MYO6: variants seen among roughly 807,000 people sequenced by gnomAD.
MYO6 encodes the protein myosin VI, also known as unconventional myosin-VI.
Under a neutral mutation model 178.7 loss-of-function variants are expected in MYO6, and 74 were observed. That is an observed-to-expected ratio of 0.41 (90% confidence interval 0.34 to 0.50). MYO6 has a LOEUF of 0.50. MYO6 is among the 20% of genes least tolerant of loss of function. The pLI is 0.09. For synonymous variants in MYO6, 477 were observed against 504.6 expected (o/e 0.95, Z 0.73); for missense variants, 1,330 against 1,547.4 (o/e 0.86, Z 2.36).
At position 75,756,919 on chromosome 6, in the gene MYO6, A is replaced by ATAGTGTGTATATATGTGTATATATG. The variant is rs1777419617; in HGVS notation, c.-48+7498_-48+7499insGTGTGTATATATGTGTATATATGTA. ...TATATATATATATATATACACATAT[A>ATAGTGTGTATATATGTGTATATATG]TATACACACCATATATAGTGTGTAT... On this transcript the variant is annotated intron_variant, in intron 1 of 34. Coordinates refer to ENST00000369977, the MANE Select transcript of MYO6 (RefSeq NM_004999.4). Among the ~76,000 whole-genome samples, 2 of 146,462 alleles carry ATAGTGTGTATATATGTGTATATATG rather than the reference A, an allele frequency of 1.4e-5. 1 individual carries two copies. The highest frequency in any genetic ancestry group is 5.2e-5 in the African/African-American group (2 of 38,798).
At chr6:75,844,678 A>G (rs1774560951) in intron 9 of MYO6, among the ~76,000 whole-genome samples, 1 of 152,066 alleles carries the variant, frequency 6.6e-6, no homozygotes, top group Non-Finnish European at 1.5e-5. Flanking sequence ...TATTTAATCT[A>G]TGCTCAGAGA....
At chr6:75,773,434 A>G (rs1766079956) in intron 1 of MYO6, among the ~76,000 whole-genome samples, 1 of 152,250 alleles carries the variant, frequency 6.6e-6, no homozygotes, top group Non-Finnish European at 1.5e-5. Flanking sequence ...TTTCAAATGC[A>G]GAAGGTAGTG....
intron 1 of MYO6, among the ~76,000 whole-genome samples, chr6:75,781,095 A>G (rs1386658640): frequency 7.2e-5 from 11 of 152,072 alleles, no homozygotes; most frequent in African/African-American, 2.7e-4. Flanking sequence ...TTACAGGCAT[A>G]AGCCACCGTG....
chr6:75,884,016 A>T (rs1778238922), intron 23 of MYO6, among the ~76,000 whole-genome samples: 1 of 152,228 alleles, frequency 6.6e-6, no homozygotes, highest in African/African-American at 2.4e-5. Context: ...TCCAAATAAA[A>T]TACAGAAACA....
intron 31 of MYO6, 61 bp from the exon 32 acceptor site, chr6:75,908,435 A>G: frequency 2.0e-6 from 3 of 1,512,396 alleles, no homozygotes; most frequent in Non-Finnish European, 2.7e-6. Flanking sequence ...TAATTATATC[A>G]TTATGTTAGA....
At chr6:75,888,730 C>G (rs573099546) in intron 25 of MYO6, among the ~76,000 whole-genome samples, 3 of 152,148 alleles carry the variant, frequency 2.0e-5, no homozygotes, top group African/African-American at 4.8e-5. Context: ...CTTACATTCT[C>G]TTTTATGCAT....
intron 30 of MYO6, among the ~76,000 whole-genome samples, chr6:75,901,773 T>C (rs1172800894): frequency 1.3e-5 from 2 of 151,992 alleles, no homozygotes; most frequent in East Asian, 3.9e-4. Flanking sequence ...TGAATAGGAG[T>C]GGTGAGAGAG....
intron 1 of MYO6, among the ~76,000 whole-genome samples, chr6:75,760,213 T>C (rs772565719): frequency 7.9e-5 from 12 of 152,224 alleles, no homozygotes; most frequent in Non-Finnish European, 1.8e-4. Flanking sequence ...TTTGCTGTTA[T>C]CTTGCAGTTG....
At chr6:75,858,134 G>T (rs559782314) in intron 13 of MYO6, among the ~76,000 whole-genome samples, 1 of 151,934 alleles carries the variant, frequency 6.6e-6, no homozygotes, top group South Asian at 2.1e-4. Context: ...TTATAAAATT[G>T]TAAAGCCGAG....
At chr6:75,799,391 A>T (rs1163166697) in intron 1 of MYO6, among the ~76,000 whole-genome samples, 3 of 51,590 alleles carry the variant, frequency 5.8e-5, no homozygotes, top group African/African-American at 6.0e-4. Context: ...ACTCTGTCTA[A>T]AAAAAAAAAA....
intron 1 of MYO6, among the ~76,000 whole-genome samples, chr6:75,749,950 T>G (rs1776708115): frequency 6.6e-6 from 1 of 152,146 alleles, no homozygotes; most frequent in Admixed American, 6.5e-5. Context: ...AACAAGAACT[T>G]TTTTTGTTAA....
intron 20 of MYO6, 95 bp downstream of exon 20, chr6:75,873,395 A>T: frequency 1.0e-6 from 1 of 1,001,400 alleles, no homozygotes. Context: ...CATTATCTTG[A>T]TTATTTTACA....
At position 75,917,457 on chromosome 6, in the gene MYO6, A is replaced by G. The variant is rs1189884891; in HGVS notation, c.*2445A>G. 2 of 152,490 alleles carry G rather than the reference A, an allele frequency of 1.3e-5. No individual in the cohort carries two copies. The highest frequency in any genetic ancestry group is 4.8e-5 in the African/African-American group (2 of 41,466). The allele number at this position is 152,490 out of a possible 1,614,324, so 9.4% of individuals were successfully genotyped here. The stretch of plus-strand genomic sequence containing the variant: ...ACAGTTGAGATATGTATTATGAGTT[A>G]TGGGAACTAATTGAGAAAAGGAAGT... On this transcript the variant is annotated 3_prime_UTR_variant, in exon 35 of 35. Coordinates refer to ENST00000369977, the MANE Select transcript of MYO6 (RefSeq NM_004999.4).
chr6:75,828,320 T>A (rs922300228), intron 3 of MYO6, among the ~76,000 whole-genome samples: 1 of 152,134 alleles, frequency 6.6e-6, no homozygotes, highest in Non-Finnish European at 1.5e-5. Context: ...TAGTTGAAAA[T>A]TCATTACTTA....
chr6:75,757,885 T>G (rs1777596608), intron 1 of MYO6, among the ~76,000 whole-genome samples: 1 of 149,078 alleles, frequency 6.7e-6, no homozygotes, highest in Non-Finnish European at 1.5e-5. Flanking sequence ...TGTTACTGTG[T>G]TTTTTTTTGT....
chr6:75,879,164 G>C (rs530833779), intron 20 of MYO6, among the ~76,000 whole-genome samples: 1 of 152,182 alleles, frequency 6.6e-6, no homozygotes, highest in South Asian at 2.1e-4. Flanking sequence ...TTAATGCAGG[G>C]CTTTGCCTTA....
intron 4 of MYO6, 132 bp from the exon 5 acceptor site, chr6:75,830,273 CAGGGAATATTT>C: frequency 1.5e-6 from 1 of 684,460 alleles, no homozygotes; most frequent in South Asian, 1.9e-5. Context: ...AGGGAATACT[CAGGGAATATTT>C]AGGACTGATT....
chr6:75,898,495 T>G, intron 30 of MYO6, 84 bp downstream of exon 30: 1 of 1,139,482 alleles, frequency 8.8e-7, no homozygotes, highest in East Asian at 2.4e-5. Context: ...GACCAGAACC[T>G]GTTACATGAG....
chr6:75,806,475 A>G (rs1000265301), intron 1 of MYO6, among the ~76,000 whole-genome samples: 6 of 152,184 alleles, frequency 3.9e-5, no homozygotes, highest in African/African-American at 1.2e-4. Context: ...ATAGAATAAG[A>G]CATGTTCAGA....
Sources: gnomAD v4.1 joint callset for allele counts (sites outside exome capture counted in the v4.1 genomes callset) on GRCh38, gnomAD v4.1.1 for gene constraint, MANE v1.5 for transcripts, NCBI Gene and HGNC (gene_info 2026-07-23, HGNC 2026-07-21) for gene names.